PTPRD: variants seen among roughly 807,000 people sequenced by gnomAD.
PTPRD encodes the protein protein tyrosine phosphatase receptor type D, also known as receptor-type tyrosine-protein phosphatase delta.
PTPRD carries 34 observed loss-of-function variants against 214.5 expected under a neutral mutation model. The observed-to-expected ratio is 0.16, with a 90% CI of 0.12 to 0.21. The LOEUF is 0.21. Ranked by LOEUF, PTPRD falls within the 10% of genes least tolerant of loss-of-function variation. The pLI is 1.00. For synonymous variants in PTPRD, 1,128 were observed against 845.7 expected, an observed-to-expected ratio of 1.33 and a Z score of -5.79; for missense variants, 2,545 against 2,398.7, an observed-to-expected ratio of 1.06 and a Z score of -1.27.
chr9:9,136,695 C>G (rs1016537012), intron 10 of PTPRD, among the ~76,000 whole-genome samples: 3 of 152,110 alleles, frequency 2.0e-5, no homozygotes, highest in Non-Finnish European at 4.4e-5. Context: ...AAGAGGGCAG[C>G]AGTTTATCTG....
At chr9:10,012,512 A>T (rs963421910) in intron 4 of PTPRD, among the ~76,000 whole-genome samples, 2 of 152,010 alleles carry the variant, frequency 1.3e-5, no homozygotes, top group African/African-American at 4.8e-5. Context: ...TATAACTAAG[A>T]AGGCATTTAT....
chr9:9,966,916 T>C (rs1290592243), intron 4 of PTPRD, among the ~76,000 whole-genome samples: 1 of 152,168 alleles, frequency 6.6e-6, no homozygotes, highest in African/African-American at 2.4e-5. Flanking sequence ...TAAACCCCTT[T>C]AAATACTGCC....
chr9:9,159,756 T>C (rs75196167), intron 10 of PTPRD, among the ~76,000 whole-genome samples: 9,611 of 152,208 alleles, frequency 0.063, 388 homozygotes, highest in Admixed American at 0.1. Flanking sequence ...CAGTGAAAAC[T>C]ATTTGAGCAA....
intron 5 of PTPRD, among the ~76,000 whole-genome samples, chr9:9,795,757 CTATTGTAT>C (rs749027864): frequency 0.035 from 5,344 of 152,144 alleles, 157 homozygotes; most frequent in African/African-American, 0.084. Context: ...TTTATGTTTC[CTATTGTAT>C]CCTATTGTAT....
intron 9 of PTPRD, among the ~76,000 whole-genome samples, chr9:9,229,932 A>G (rs1446252838): frequency 6.6e-6 from 1 of 152,184 alleles, no homozygotes; most frequent in Non-Finnish European, 1.5e-5. Context: ...GGGAGTGACT[A>G]GATAATACTA....
At chr9:8,547,185 C>G (rs541535285) in intron 14 of PTPRD, among the ~76,000 whole-genome samples, 2 of 152,056 alleles carry the variant, frequency 1.3e-5, no homozygotes, top group African/African-American at 2.4e-5. Flanking sequence ...AGTACATGTC[C>G]AAATGAATCC....
intron 14 of PTPRD, among the ~76,000 whole-genome samples, chr9:8,543,363 A>G (rs909027853): frequency 7.2e-5 from 11 of 152,266 alleles, no homozygotes; most frequent in Admixed American, 2.6e-4. Context: ...TAATCCACCA[A>G]TCCCCCAACA....
chr9:8,944,987 G>A (rs2099055026), intron 11 of PTPRD, among the ~76,000 whole-genome samples: 2 of 151,988 alleles, frequency 1.3e-5, no homozygotes, highest in African/African-American at 4.8e-5. Context: ...ATGACACATT[G>A]TATACCTCTC....
At chr9:10,260,601 T>G (rs1473391734) in intron 3 of PTPRD, among the ~76,000 whole-genome samples, 1 of 152,208 alleles carries the variant, frequency 6.6e-6, no homozygotes, top group Non-Finnish European at 1.5e-5. Context: ...ATTGAGCTCC[T>G]TAAGAATGTC....
Position 10,248,533 on chromosome 9 carries a change from A to AAAAAAAAAAAAAAC in PTPRD, c.-545+92429_-545+92430insGTTTTTTTTTTTTT, listed in dbSNP as rs60272481. ...TAGCAAAAAAAAAAAAAAATAAAAA[A>AAAAAAAAAAAAAAC]AATAAAGCGAGAAACCAAAATGATA... is the stretch of plus-strand genomic sequence containing the variant. On this transcript the variant is annotated intron_variant, in intron 3 of 45. Transcript: ENST00000381196. Among the ~76,000 whole-genome samples, 50 of 127,412 alleles carry AAAAAAAAAAAAAAC rather than the reference A, an allele frequency of 3.9e-4. 1 individual carries two copies. The highest frequency in any genetic ancestry group is 7.6e-4 in the African/African-American group (23 of 30,362). The allele number at this position is 127,412 out of a possible 152,430, so 83.6% of individuals were successfully genotyped here.
intron 8 of PTPRD, among the ~76,000 whole-genome samples, chr9:9,439,937 T>G (rs1213297580): frequency 6.6e-6 from 1 of 152,184 alleles, no homozygotes; most frequent in Non-Finnish European, 1.5e-5. Flanking sequence ...TCAAACTTGA[T>G]GTCAAAACCC....
chr9:9,000,336 G>A (rs1363243919), intron 11 of PTPRD, among the ~76,000 whole-genome samples: 1 of 151,902 alleles, frequency 6.6e-6, no homozygotes, highest in African/African-American at 2.4e-5. Context: ...TCTCTCTTTT[G>A]CAAAGCTCTT....
intron 7 of PTPRD, among the ~76,000 whole-genome samples, chr9:9,669,192 G>A (rs968926981): frequency 6.6e-6 from 1 of 152,088 alleles, no homozygotes; most frequent in East Asian, 1.9e-4. Flanking sequence ...AAAGACACAT[G>A]CACAACTATG....
intron 9 of PTPRD, among the ~76,000 whole-genome samples, chr9:9,269,245 A>G (rs927567133): frequency 4.0e-5 from 6 of 151,442 alleles, no homozygotes; most frequent in Non-Finnish European, 7.4e-5. Flanking sequence ...GTTAATAGGC[A>G]TATGAGACAG....
At chr9:9,983,271 G>C in intron 4 of PTPRD, among the ~76,000 whole-genome samples, 1 of 152,174 alleles carries the variant, frequency 6.6e-6, no homozygotes, top group East Asian at 1.9e-4. Flanking sequence ...TCCTTGCTAA[G>C]GGGACTTAGA....
chr9:9,133,620 T>C (rs944589887), intron 10 of PTPRD, among the ~76,000 whole-genome samples: 2 of 152,186 alleles, frequency 1.3e-5, no homozygotes, highest in Non-Finnish European at 2.9e-5. Flanking sequence ...GGATTTTAGA[T>C]GTGAGTACTG....
At chr9:8,497,347 C>G (rs2136622332) in intron 25 of PTPRD, 79 bp from the exon 26 acceptor site, 1 of 1,214,318 alleles carries the variant, frequency 8.2e-7, no homozygotes, top group East Asian at 2.8e-5. Context: ...GCAGTGTTGC[C>G]CTTGTTAGAT....
chr9:9,506,161 G>C (rs944672269), intron 8 of PTPRD, among the ~76,000 whole-genome samples: 1 of 151,378 alleles, frequency 6.6e-6, no homozygotes, highest in African/African-American at 2.4e-5. Flanking sequence ...ATAGTCTATA[G>C]TATTTCACCT....
intron 9 of PTPRD, among the ~76,000 whole-genome samples, chr9:9,378,815 G>T (rs10435823): frequency 0.23 from 35,394 of 151,728 alleles, 4,209 homozygotes; most frequent in Middle Eastern, 0.37. Flanking sequence ...TATCTTCTTT[G>T]CTGATGTATC....
Sources: gnomAD v4.1 joint callset for allele counts (sites outside exome capture counted in the v4.1 genomes callset) on GRCh38, gnomAD v4.1.1 for gene constraint, MANE v1.5 for transcripts, NCBI Gene and HGNC (gene_info 2026-07-23, HGNC 2026-07-21) for gene names.